The following ZCWPW2 variants were observed in gnomAD, a reference collection of about 807,000 sequenced individuals.
ZCWPW2 encodes the protein zinc finger CW-type and PWWP domain containing 2.
In ZCWPW2, 45 loss-of-function variants were observed where a neutral mutation model predicts 46.6. That is an observed-to-expected ratio of 0.96 (90% CI 0.76 to 1.24). The LOEUF (loss-of-function observed/expected upper bound fraction) is 1.24, where lower values mean the gene tolerates loss of function less well. ZCWPW2 is among the 50% of genes most tolerant of loss of function. ZCWPW2 has a pLI of 0.00. For missense variants in ZCWPW2, 429 were observed against 403.9 expected (o/e 1.06, Z -0.53); for synonymous variants, 152 against 137.1 (o/e 1.11, Z -0.76).
At chr3:28,380,154 T>G (rs1039512478) in intron 1 of ZCWPW2, among the ~76,000 whole-genome samples, 5 of 151,860 alleles carry the variant, frequency 3.3e-5, no homozygotes, top group African/African-American at 1.2e-4. Flanking sequence ...GGCTAATTTT[T>G]TGTATTTTTT....
Position 28,423,032 on chromosome 3 carries a change from G to A in ZCWPW2, c.332+9632G>A, listed in dbSNP as rs183744763. ...TAGGGTGTCTGTTCAGATATTTTGCGCATTTTAAAATCTGGTTATTCATTT... is the reference window on the plus strand; with the variant it reads ...TAGGGTGTCTGTTCAGATATTTTGCACATTTTAAAATCTGGTTATTCATTT... On this transcript the variant is annotated intron_variant, in intron 3 of 9. Coordinates refer to ENST00000383768, the MANE Select transcript of ZCWPW2 (RefSeq NM_001040432.4). Among the ~76,000 whole-genome samples, 34 of 151,912 alleles carry A rather than the reference G, an allele frequency of 2.2e-4. 1 individual carries two copies. The East Asian group carries it at 2.3e-3, about 10-fold the overall frequency.
intron 7 of ZCWPW2, among the ~76,000 whole-genome samples, chr3:28,514,986 C>T (rs1350293042): frequency 6.6e-6 from 1 of 152,136 alleles, no homozygotes; most frequent in East Asian, 1.9e-4. Context: ...TTACACTTCA[C>T]AGTAACCCTA....
At chr3:28,433,917 G>GTTTTTT (rs71295064) in intron 3 of ZCWPW2, among the ~76,000 whole-genome samples, 2 of 140,736 alleles carry the variant, frequency 1.4e-5, no homozygotes, top group Admixed American at 7.1e-5. Flanking sequence ...TTCCACCCCA[G>GTTTTTT]TTTTTTTTTT....
chr3:28,414,057 G>A (rs1696527016), intron 3 of ZCWPW2, among the ~76,000 whole-genome samples: 1 of 151,894 alleles, frequency 6.6e-6, no homozygotes, highest in Non-Finnish European at 1.5e-5. Flanking sequence ...CTTATTTTTA[G>A]CTAAGGTTTA....
intron 4 of ZCWPW2, among the ~76,000 whole-genome samples, chr3:28,470,971 T>A (rs1699021362): frequency 6.6e-6 from 1 of 152,088 alleles, no homozygotes; most frequent in Admixed American, 6.5e-5. Context: ...GTGGCTACCA[T>A]GAGCAACTAT....
intron 6 of ZCWPW2, among the ~76,000 whole-genome samples, chr3:28,513,397 T>C (rs1173002824): frequency 1.3e-5 from 2 of 152,130 alleles, no homozygotes; most frequent in Non-Finnish European, 2.9e-5. Flanking sequence ...GTGTTTTCAT[T>C]CTTTTAGGAT....
At chr3:28,471,697 GC>G (rs1270149467) in intron 4 of ZCWPW2, among the ~76,000 whole-genome samples, 1 of 152,046 alleles carries the variant, frequency 6.6e-6, no homozygotes, top group Non-Finnish European at 1.5e-5. Context: ...TGACAAGGAT[GC>G]CCATTGTTAT....
chr3:28,492,295 T>C, intron 6 of ZCWPW2, 122 bp downstream of exon 6: 1 of 850,212 alleles, frequency 1.2e-6, no homozygotes, highest in South Asian at 2.3e-5. Flanking sequence ...TTCTTCTGAA[T>C]GTTACTTTAG....
At chr3:28,355,559 A>G (rs1406254396) in intron 1 of ZCWPW2, among the ~76,000 whole-genome samples, 10 of 152,272 alleles carry the variant, frequency 6.6e-5, no homozygotes, top group Admixed American at 5.2e-4. Context: ...CTAAGCCAAA[A>G]GAACAAAGCT....
intron 2 of ZCWPW2, among the ~76,000 whole-genome samples, chr3:28,405,004 C>A (rs189480576): frequency 8.4e-4 from 128 of 152,232 alleles, no homozygotes; most frequent in East Asian, 7.9e-3. Context: ...AACCAAATAC[C>A]ACCTGTTCCC....
Position 28,492,654 on chromosome 3 carries a change from A to C in ZCWPW2, c.657+481A>C, listed in dbSNP as rs1699850485. Among the ~76,000 whole-genome samples, 3 of 152,128 alleles carry C rather than the reference A, an allele frequency of 2.0e-5. No homozygotes were observed. In the South Asian group the frequency reaches 6.2e-4, roughly 31 times the overall value. On this transcript the variant is annotated intron_variant, in intron 6 of 9. Coordinates refer to ENST00000383768, the MANE Select transcript of ZCWPW2 (RefSeq NM_001040432.4). ...TTGTCAACAGCATTTTTAAAGAATTATTACAATTTAATACATTATTTTGAA... is the reference window on the plus strand; with the variant it reads ...TTGTCAACAGCATTTTTAAAGAATTCTTACAATTTAATACATTATTTTGAA...
intron 1 of ZCWPW2, among the ~76,000 whole-genome samples, chr3:28,367,244 T>C (rs13069839): frequency 0.48 from 73,020 of 151,780 alleles, 18,143 homozygotes; most frequent in Non-Finnish European, 0.54. Context: ...GTTAGGGTGT[T>C]AATTTTAGAT....
chr3:28,452,349 G>T (rs935367230), intron 4 of ZCWPW2, among the ~76,000 whole-genome samples: 6 of 152,084 alleles, frequency 3.9e-5, no homozygotes, highest in Non-Finnish European at 8.8e-5. Context: ...CAGTGGCACA[G>T]TCTCGGCTCA....
chr3:28,399,622 C>A (rs1204422172), intron 2 of ZCWPW2, among the ~76,000 whole-genome samples: 3 of 152,184 alleles, frequency 2.0e-5, no homozygotes, highest in Non-Finnish European at 4.4e-5. Context: ...GTGCAGACAA[C>A]CCCCAGTATC....
rs1700541365 is a variant in ZCWPW2, at chr3:28,515,619, G to C, written c.782G>C (p.Arg261Thr). ...GATGATGCCTTATCAAAGGAGAACA[G>C]GGGTATGTGAAAGCCTGTCCTGCTT... ...YSDDALSKEN[R>T]VVCETEVLLK... Residue 261 changes from arginine to threonine, a missense_variant and splice_region_variant, in exon 8 of 10, where the codon AGG (arginine) becomes ACG (threonine). By Grantham distance (71) the Arg-to-Thr change is moderately conservative. Transcript: ENST00000383768. 1.2e-6 allele frequency: 2 copies of C among 1,603,010 alleles called. No individual in the cohort carries two copies. The highest frequency in any genetic ancestry group is 1.7e-6 in the Non-Finnish European group (2 of 1,178,894).
Position 28,524,639 on chromosome 3 carries a change from A to G in ZCWPW2, c.1022A>G (p.Asp341Gly). 6.3e-7 allele frequency: 1 copy of G among 1,589,474 alleles called. No homozygotes were observed. Among genetic ancestry groups the G allele is most frequent in the Non-Finnish European group, 8.6e-7 (1 of 1,167,758 alleles). ...TTAAAAGCTGGAGAATGTATTGAGG[A>G]TATAACTAATAAATTTAAAGAAATA... ...IKLKAGECIEDITNKFKEIDA... is the reference protein window; with the variant it reads ...IKLKAGECIEGITNKFKEIDA... Residue 341 changes from aspartate to glycine, a missense_variant, in exon 10 of 10, where the codon GAT becomes GGT. Asp to Gly is a moderately conservative substitution (Grantham distance 94). Transcript: ENST00000383768.
chr3:28,459,287 G>A (rs1236781785), intron 4 of ZCWPW2, among the ~76,000 whole-genome samples: 3 of 151,888 alleles, frequency 2.0e-5, no homozygotes, highest in Non-Finnish European at 4.4e-5. Flanking sequence ...GGAAAATGGC[G>A]TGAACCCGGG....
At chr3:28,408,331 C>T (rs982359358) in intron 2 of ZCWPW2, among the ~76,000 whole-genome samples, 44 of 152,134 alleles carry the variant, frequency 2.9e-4, no homozygotes, top group Admixed American at 5.2e-4. Context: ...TTTATAGCAA[C>T]CCATTGGTTG....
chr3:28,495,597 A>G (rs1352864829), intron 6 of ZCWPW2, among the ~76,000 whole-genome samples: 1 of 152,050 alleles, frequency 6.6e-6, no homozygotes, highest in Non-Finnish European at 1.5e-5. Flanking sequence ...ATGAACTTGT[A>G]TGGTAATTTG....
Sources: gnomAD v4.1 joint callset for allele counts (sites outside exome capture counted in the v4.1 genomes callset) on GRCh38, gnomAD v4.1.1 for gene constraint, MANE v1.5 for transcripts, NCBI Gene and HGNC (gene_info 2026-07-23, HGNC 2026-07-21) for gene names.